Variants in BMPR1B observed in about 807,000 individuals in gnomAD.
The protein encoded by BMPR1B is bone morphogenetic protein receptor type 1B.
In BMPR1B, 12 loss-of-function variants were observed where a neutral mutation model predicts 59.1. That is an observed-to-expected ratio of 0.20 (90% CI 0.13 to 0.33). The LOEUF is 0.33. Among genes scored for constraint, BMPR1B ranks in the 10% least tolerant of loss-of-function variants. The pLI is 1.00. For synonymous variants in BMPR1B, 237 were observed against 207.3 expected, an observed-to-expected ratio of 1.14 and a Z score of -1.23; for missense variants, 550 against 610.9, an observed-to-expected ratio of 0.90 and a Z score of 1.05.
At chr4:94,840,236 T>C (rs1177199148) in intron 1 of BMPR1B, among the ~76,000 whole-genome samples, 1 of 147,872 alleles carries the variant, frequency 6.8e-6, no homozygotes, top group Non-Finnish European at 1.5e-5. Context: ...GACAATTATG[T>C]GTCTTGGAGT....
chr4:94,974,540 T>C (rs1384770883), intron 2 of BMPR1B, among the ~76,000 whole-genome samples: 2 of 152,226 alleles, frequency 1.3e-5, no homozygotes, highest in Non-Finnish European at 2.9e-5. Context: ...TTTTATGTTC[T>C]TAACATGATC....
At chr4:94,812,992 A>C (rs1217196980) in intron 1 of BMPR1B, among the ~76,000 whole-genome samples, 1 of 59,274 alleles carries the variant, frequency 1.7e-5, no homozygotes, top group Non-Finnish European at 3.1e-5. Context: ...TTGATAGTTT[A>C]AGCTTTTTTT....
intron 3 of BMPR1B, among the ~76,000 whole-genome samples, chr4:95,096,843 T>C (rs1730437558): frequency 7.1e-6 from 1 of 140,832 alleles, no homozygotes; most frequent in Non-Finnish European, 1.5e-5. Context: ...TATATAAATA[T>C]ATAGGTATAT....
chr4:94,917,150 G>C (rs570957595), intron 2 of BMPR1B, among the ~76,000 whole-genome samples: 2 of 152,238 alleles, frequency 1.3e-5, no homozygotes, highest in African/African-American at 2.4e-5. Flanking sequence ...TCCAGGCAGA[G>C]GCCTGCTACA....
chr4:94,879,608 TAAATAA>T (rs1463309648), intron 2 of BMPR1B, among the ~76,000 whole-genome samples: 2 of 152,120 alleles, frequency 1.3e-5, no homozygotes, highest in Admixed American at 6.6e-5. Context: ...GTCTCAGAAA[TAAATAA>T]AAATAAAAAT....
Position 94,838,582 on chromosome 4 carries a change from A to G in BMPR1B, c.-182-37249A>G, listed in dbSNP as rs1270103542. Among the ~76,000 whole-genome samples the G allele has an allele frequency of 5.0e-5, 7 of 138,700 alleles. 1 individual carries two copies. The highest frequency in any genetic ancestry group is 5.0e-4 in the Admixed American group (7 of 14,070). The allele number at this position is 138,700 out of a possible 152,430, so 91.0% of individuals were successfully genotyped here. On this transcript the variant is annotated intron_variant, in intron 1 of 12. Transcript: ENST00000515059. ...GTAGTATTCTCTGATGGTAGTTTGT[A>G]TTTCTGTTGGATCGGTGGTGATATC... is the stretch of plus-strand genomic sequence containing the variant.
chr4:95,041,932 G>T (rs373911356), intron 3 of BMPR1B, among the ~76,000 whole-genome samples: 1 of 151,756 alleles, frequency 6.6e-6, no homozygotes, highest in African/African-American at 2.4e-5. Flanking sequence ...TCAATTCACT[G>T]CAAGCTCCAC....
At chr4:94,941,279 A>T (rs1356642912) in intron 2 of BMPR1B, among the ~76,000 whole-genome samples, 2 of 140,524 alleles carry the variant, frequency 1.4e-5, no homozygotes, top group South Asian at 2.5e-4. Context: ...AAAATACAAA[A>T]AAATTAGTGG....
At chr4:94,807,934 T>G (rs1010960614) in intron 1 of BMPR1B, among the ~76,000 whole-genome samples, 1 of 152,176 alleles carries the variant, frequency 6.6e-6, no homozygotes, top group Non-Finnish European at 1.5e-5. Flanking sequence ...GTGATCCACC[T>G]GCCTGGACCT....
intron 1 of BMPR1B, among the ~76,000 whole-genome samples, chr4:94,873,719 TCTTA>T (rs1242000156): frequency 6.6e-6 from 1 of 152,120 alleles, no homozygotes; most frequent in Admixed American, 6.5e-5. Flanking sequence ...GACCATGAAT[TCTTA>T]CTTCTATCTT....
At chr4:94,970,696 T>C (rs1156407473) in intron 2 of BMPR1B, among the ~76,000 whole-genome samples, 1 of 152,186 alleles carries the variant, frequency 6.6e-6, no homozygotes, top group East Asian at 1.9e-4. Flanking sequence ...GTATATGTGA[T>C]ATTTTGATAG....
At chr4:94,950,958 G>A (rs1378771508) in intron 2 of BMPR1B, among the ~76,000 whole-genome samples, 2 of 152,076 alleles carry the variant, frequency 1.3e-5, no homozygotes, top group Non-Finnish European at 2.9e-5. Flanking sequence ...TTATTTCCTT[G>A]AGCAGTGTTT....
chr4:94,868,618 C>G (rs576796647), intron 1 of BMPR1B, among the ~76,000 whole-genome samples: 164 of 152,264 alleles, frequency 1.1e-3, no homozygotes, highest in African/African-American at 3.5e-3. Flanking sequence ...GAACGATGAG[C>G]AGGTTTGGAC....
chr4:94,862,771 C>T (rs890028639), intron 1 of BMPR1B, among the ~76,000 whole-genome samples: 103 of 151,858 alleles, frequency 6.8e-4, no homozygotes, highest in African/African-American at 2.4e-3. Context: ...CGGTGAAACC[C>T]CGTCTCTACT....
chr4:94,888,025 C>T (rs192440286), intron 2 of BMPR1B, among the ~76,000 whole-genome samples: 3 of 152,010 alleles, frequency 2.0e-5, no homozygotes, highest in South Asian at 2.1e-4. Context: ...AATAATTAGA[C>T]TAGCATTAGC....
At chr4:94,844,689 C>A (rs528174586) in intron 1 of BMPR1B, among the ~76,000 whole-genome samples, 1 of 152,102 alleles carries the variant, frequency 6.6e-6, no homozygotes. Context: ...CCCCGCTCCC[C>A]GCCCCAGATT....
intron 2 of BMPR1B, among the ~76,000 whole-genome samples, chr4:94,992,455 G>T (rs1294268527): frequency 2.0e-5 from 3 of 152,256 alleles, no homozygotes; most frequent in South Asian, 4.1e-4. Flanking sequence ...CTCAGTTCTA[G>T]AATTTATTAG....
chr4:94,920,556 CTGCAT>C (rs1295330609), intron 2 of BMPR1B, among the ~76,000 whole-genome samples: 2 of 152,158 alleles, frequency 1.3e-5, no homozygotes, highest in East Asian at 3.9e-4. Context: ...AGTGTGGGAT[CTGCAT>C]CCCTGACTGG....
chr4:94,807,584 C>T (rs533193267), intron 1 of BMPR1B, among the ~76,000 whole-genome samples: 1 of 152,178 alleles, frequency 6.6e-6, no homozygotes, highest in Admixed American at 6.5e-5. Context: ...AACATTGTAA[C>T]TGGAGAGAAT....
Sources: gnomAD v4.1 joint callset for allele counts (sites outside exome capture counted in the v4.1 genomes callset) on GRCh38, gnomAD v4.1.1 for gene constraint, MANE v1.5 for transcripts, NCBI Gene and HGNC (gene_info 2026-07-23, HGNC 2026-07-21) for gene names.